Variants in KCNMB2 observed in about 807,000 individuals in gnomAD.
The protein encoded by KCNMB2 is calcium-activated potassium channel subunit beta-2.
KCNMB2 carries 9 observed loss-of-function variants against 24.5 expected under a neutral mutation model. The ratio of observed to expected loss-of-function variants is 0.37; its 90% confidence interval spans 0.22 to 0.64. The LOEUF (loss-of-function observed/expected upper bound fraction) is 0.64. Among genes scored for constraint, KCNMB2 ranks in the 30% least tolerant of loss-of-function variants. The pLI is 0.63. For missense variants in KCNMB2, 226 were observed against 284.3 expected (o/e 0.79, Z 1.47); for synonymous variants, 109 against 104.4 (o/e 1.04, Z -0.27).
intron 1 of KCNMB2, among the ~76,000 whole-genome samples, chr3:178,742,883 C>T (rs1723541551): frequency 6.6e-6 from 1 of 152,104 alleles, no homozygotes; most frequent in Admixed American, 6.6e-5. Context: ...AATCCAGTGA[C>T]CTGACAGAGG....
intron 1 of KCNMB2, among the ~76,000 whole-genome samples, chr3:178,631,257 C>A (rs1719309395): frequency 6.6e-6 from 1 of 152,176 alleles, no homozygotes; most frequent in African/African-American, 2.4e-5. Context: ...GACTGATAAA[C>A]CTCTCAGTAC....
chr3:178,624,634 TCTC>T (rs1719044185), intron 1 of KCNMB2, among the ~76,000 whole-genome samples: 1 of 151,382 alleles, frequency 6.6e-6, no homozygotes, highest in Admixed American at 6.6e-5. Context: ...TTTAGTTTAT[TCTC>T]CTCATCAGTT....
intron 1 of KCNMB2, among the ~76,000 whole-genome samples, chr3:178,759,361 A>ATCTCCAAGAGGATATATATATATATATC (rs1711581309): frequency 3.3e-5 from 1 of 30,508 alleles, no homozygotes; most frequent in Admixed American, 3.5e-4. Flanking sequence ...ATATATATAT[A>ATCTCCAAGAGGATATATATATATATATC]TCTCCAAGAG....
intron 1 of KCNMB2, among the ~76,000 whole-genome samples, chr3:178,571,214 T>G (rs1216936213): frequency 1.3e-5 from 2 of 150,474 alleles, no homozygotes; most frequent in African/African-American, 4.9e-5. Context: ...CTTTTGTGAT[T>G]TTTTTTTTAA....
At chr3:178,616,149 G>A (rs892624773) in intron 1 of KCNMB2, among the ~76,000 whole-genome samples, 5 of 152,154 alleles carry the variant, frequency 3.3e-5, no homozygotes. Flanking sequence ...GAGGGATGAT[G>A]CCAGCAATCC....
chr3:178,674,223 C>T (rs1050364183), intron 1 of KCNMB2, among the ~76,000 whole-genome samples: 1 of 152,036 alleles, frequency 6.6e-6, no homozygotes, highest in Non-Finnish European at 1.5e-5. Flanking sequence ...CCTTGGATGA[C>T]CTTATCTAGT....
intron 1 of KCNMB2, among the ~76,000 whole-genome samples, chr3:178,695,962 C>G (rs988625632): frequency 6.6e-6 from 1 of 152,164 alleles, no homozygotes; most frequent in African/African-American, 2.4e-5. Context: ...TGTATTAGTC[C>G]ATGCTCACAC....
chr3:178,777,471 A>C (rs1712631028), intron 1 of KCNMB2, among the ~76,000 whole-genome samples: 1 of 152,190 alleles, frequency 6.6e-6, no homozygotes, highest in Non-Finnish European at 1.5e-5. Context: ...AAGACATTAC[A>C]TGGCAAGATG....
intron 1 of KCNMB2, among the ~76,000 whole-genome samples, chr3:178,632,322 T>G (rs1719350116): frequency 6.6e-6 from 1 of 152,152 alleles, no homozygotes; most frequent in Non-Finnish European, 1.5e-5. Flanking sequence ...GGTGTATTAG[T>G]CCATTCTCAC....
chr3:178,798,740 G>A (rs999617518), intron 1 of KCNMB2, among the ~76,000 whole-genome samples: 2 of 152,082 alleles, frequency 1.3e-5, no homozygotes, highest in African/African-American at 4.8e-5. Context: ...GAGGTTGGGG[G>A]AGGGAGAGCA....
intron 1 of KCNMB2, among the ~76,000 whole-genome samples, chr3:178,720,214 A>C (rs918497883): frequency 1.3e-5 from 2 of 151,746 alleles, no homozygotes; most frequent in African/African-American, 4.8e-5. Context: ...CCCATCTATG[A>C]GTGAGAACAT....
chr3:178,807,472 G>C lies in KCNMB2; in HGVS notation c.56+7G>C, dbSNP rs200758010. ...ATAGACATGATGAAAAAAGGTAAATGCACTGGGATTCTGGGCACTTTTCAG... is the reference window on the plus strand; with the variant it reads ...ATAGACATGATGAAAAAAGGTAAATCCACTGGGATTCTGGGCACTTTTCAG... On this transcript the variant is annotated splice_region_variant and intron_variant, in intron 2 of 4. Coordinates refer to ENST00000452583, the MANE Select transcript of KCNMB2 (RefSeq NM_181361.3). The C allele has an allele frequency of 2.0e-3, 3,238 of 1,612,488 alleles. 84 individuals carry two copies. In the South Asian group the frequency reaches 0.034, roughly 17 times the overall value.
chr3:178,693,193 A>G (rs937293798), intron 1 of KCNMB2, among the ~76,000 whole-genome samples: 1 of 152,208 alleles, frequency 6.6e-6, no homozygotes. Flanking sequence ...TGTCATCTGC[A>G]AATTAGGATA....
chr3:178,589,196 C>T (rs1403404859), intron 1 of KCNMB2, among the ~76,000 whole-genome samples: 3 of 152,192 alleles, frequency 2.0e-5, no homozygotes, highest in Non-Finnish European at 4.4e-5. Flanking sequence ...TCAGCTTCCC[C>T]CTTCCAAGCC....
intron 1 of KCNMB2, among the ~76,000 whole-genome samples, chr3:178,615,945 G>T (rs1022408545): frequency 6.6e-6 from 1 of 152,132 alleles, no homozygotes; most frequent in African/African-American, 2.4e-5. Context: ...TCTGACCCAG[G>T]TGTCTAGAAA....
At chr3:178,733,472 T>G (rs765879840) in intron 1 of KCNMB2, among the ~76,000 whole-genome samples, 11 of 150,336 alleles carry the variant, frequency 7.3e-5, no homozygotes, top group Admixed American at 2.6e-4. Flanking sequence ...TTTAAATTTA[T>G]TTTATTTATT....
At chr3:178,699,282 G>A (rs1020469019) in intron 1 of KCNMB2, among the ~76,000 whole-genome samples, 8 of 152,224 alleles carry the variant, frequency 5.3e-5, no homozygotes, top group African/African-American at 1.7e-4. Context: ...GTGAGGGTGG[G>A]GCTTGCTGGC....
At chr3:178,557,167 T>C (rs1716152726) in intron 1 of KCNMB2, among the ~76,000 whole-genome samples, 1 of 152,176 alleles carries the variant, frequency 6.6e-6, no homozygotes, top group African/African-American at 2.4e-5. Context: ...TACTAACACC[T>C]GGTCCTGATT....
intron 1 of KCNMB2, among the ~76,000 whole-genome samples, chr3:178,729,649 C>G (rs1380367249): frequency 6.6e-6 from 1 of 152,126 alleles, no homozygotes. Flanking sequence ...ATAAAATGAC[C>G]ACATTGGGCA....
Sources: gnomAD v4.1 joint callset for allele counts (sites outside exome capture counted in the v4.1 genomes callset) on GRCh38, gnomAD v4.1.1 for gene constraint, MANE v1.5 for transcripts, NCBI Gene and HGNC (gene_info 2026-07-23, HGNC 2026-07-21) for gene names.